Variants in FGF14 observed in about 807,000 individuals in gnomAD.
FGF14 encodes the protein fibroblast growth factor 14.
Under a neutral mutation model 25.5 loss-of-function variants are expected in FGF14, and 5 were observed. That is an observed-to-expected ratio of 0.20 (90% confidence interval 0.10 to 0.41). FGF14 has a LOEUF of 0.41. FGF14 is among the 10% of genes least tolerant of loss of function. The pLI, the probability that FGF14 is intolerant of heterozygous loss-of-function variation, is 1.00. For synonymous variants in FGF14, 138 were observed against 118.3 expected, an observed-to-expected ratio of 1.17 and a Z score of -1.08; for missense variants, 222 against 320.1, an observed-to-expected ratio of 0.69 and a Z score of 2.34.
intron 1 of FGF14, among the ~76,000 whole-genome samples, chr13:102,176,377 T>C (rs908621866): frequency 6.6e-6 from 1 of 152,006 alleles, no homozygotes; most frequent in Non-Finnish European, 1.5e-5. Flanking sequence ...TGGGTACACA[T>C]GAATAGAAAG....
chr13:102,018,194 C>T (rs1595006470), intron 1 of FGF14, among the ~76,000 whole-genome samples: 1 of 152,102 alleles, frequency 6.6e-6, no homozygotes, highest in Admixed American at 6.6e-5. Context: ...GAGGGAGAGG[C>T]CAAACATAAA....
At chr13:101,820,310 A>G (rs115802042) in intron 3 of FGF14, among the ~76,000 whole-genome samples, 1,780 of 152,326 alleles carry the variant, frequency 0.012, 32 homozygotes, top group African/African-American at 0.04. Context: ...TATCACCAAT[A>G]GTGAACAGAT....
chr13:101,943,822 A>ATATATATATATAT (rs1266549387), intron 1 of FGF14, among the ~76,000 whole-genome samples: 14 of 122,456 alleles, frequency 1.1e-4, no homozygotes, highest in African/African-American at 6.9e-4. Context: ...TAAAAAAAAA[A>ATATATATATATAT]AAAAATATAT....
At chr13:101,968,182 A>C (rs1310924505) in intron 1 of FGF14, among the ~76,000 whole-genome samples, 4 of 152,264 alleles carry the variant, frequency 2.6e-5, no homozygotes, top group African/African-American at 9.6e-5. Context: ...ATCTTGTCTA[A>C]GAAATGAAGA....
At chr13:102,131,091 A>G (rs925765882) in intron 1 of FGF14, among the ~76,000 whole-genome samples, 1 of 152,304 alleles carries the variant, frequency 6.6e-6, no homozygotes, top group South Asian at 2.1e-4. Flanking sequence ...AAATTCTCCA[A>G]TTGATGTGTT....
intron 3 of FGF14, among the ~76,000 whole-genome samples, chr13:101,753,005 T>C (rs1057058580): frequency 2.0e-5 from 3 of 152,148 alleles, no homozygotes; most frequent in Non-Finnish European, 4.4e-5. Flanking sequence ...AATGTATTAA[T>C]CACAGTTTAA....
At chr13:101,765,483 A>G (rs528302870) in intron 3 of FGF14, among the ~76,000 whole-genome samples, 41 of 152,264 alleles carry the variant, frequency 2.7e-4, no homozygotes, top group African/African-American at 9.6e-4. Flanking sequence ...AAATTGTGCT[A>G]GAAGACAATG....
At chr13:101,742,491 A>G (rs2036617801) in intron 3 of FGF14, among the ~76,000 whole-genome samples, 1 of 152,212 alleles carries the variant, frequency 6.6e-6, no homozygotes, top group Non-Finnish European at 1.5e-5. Flanking sequence ...GAAACTAAAC[A>G]GACCTGGATT....
chr13:101,873,847 TA>T, intron 2 of FGF14, among the ~76,000 whole-genome samples: 2 of 151,938 alleles, frequency 1.3e-5, no homozygotes, highest in Admixed American at 6.6e-5. Flanking sequence ...TCTCTTTTCC[TA>T]TATCAAAAAG....
intron 3 of FGF14, among the ~76,000 whole-genome samples, chr13:101,736,423 T>A (rs1008090530): frequency 6.6e-6 from 1 of 152,218 alleles, no homozygotes; most frequent in Non-Finnish European, 1.5e-5. Context: ...TCTATAGAAA[T>A]TTAACAGAAT....
chr13:102,200,617 T>C (rs1224687035), intron 1 of FGF14, among the ~76,000 whole-genome samples: 1 of 53,996 alleles, frequency 1.9e-5, no homozygotes, highest in Non-Finnish European at 3.4e-5. Context: ...TCCCATTTGA[T>C]TGTTTTTTTT....
intron 3 of FGF14, among the ~76,000 whole-genome samples, chr13:101,770,129 A>G (rs1242326638): frequency 1.9e-5 from 1 of 52,936 alleles, no homozygotes; most frequent in Non-Finnish European, 6.2e-5. Flanking sequence ...TAAAAACATA[A>G]AAGTCTTTTT....
Position 101,716,708 on chromosome 13 carries a change from CTGGAAACCT to C in FGF14, c.*6114_*6122del, listed in dbSNP as rs2034736868. The C allele has an allele frequency of 6.7e-6, 1 of 150,038 alleles. No homozygotes were observed. The highest frequency in any genetic ancestry group is 6.7e-5 in the Admixed American group (1 of 15,020). 9.3% of individuals were successfully genotyped at this position (150,038 alleles called of 1,614,324 possible). A position where few individuals can be genotyped will look rare whatever the true frequency, so the allele number is the denominator to read the frequency against. On this transcript the variant is annotated 3_prime_UTR_variant, in exon 5 of 5. Transcript: ENST00000376143. ...TTTTTTTCTAAGGATACCTTACTTA[CTGGAAACCT>C]GGGGTCATGCAAAGAAGTCAAGACG...
chr13:102,378,324 T>A (rs1185402711), intron 1 of FGF14, among the ~76,000 whole-genome samples: 1 of 151,988 alleles, frequency 6.6e-6, no homozygotes, highest in African/African-American at 2.4e-5. Flanking sequence ...AATCTCTATG[T>A]CTTCCTTTCA....
intron 1 of FGF14, among the ~76,000 whole-genome samples, chr13:102,320,602 T>C (rs1376555441): frequency 6.6e-6 from 1 of 152,164 alleles, no homozygotes; most frequent in Non-Finnish European, 1.5e-5. Context: ...GGGATCTGGT[T>C]TGCTGGTTCA....
At chr13:102,394,528 A>T (rs1352187629) in intron 1 of FGF14, 2 of 152,404 alleles carry the variant, frequency 1.3e-5, no homozygotes, top group South Asian at 2.1e-4. Context: ...ACAACAGCAC[A>T]AGCTGCCGGG....
At chr13:102,287,360 G>A (rs1016338774) in intron 1 of FGF14, among the ~76,000 whole-genome samples, 1 of 152,158 alleles carries the variant, frequency 6.6e-6, no homozygotes, top group Non-Finnish European at 1.5e-5. Flanking sequence ...CTTAGTTTAT[G>A]ACATTATTTG....
intron 3 of FGF14, among the ~76,000 whole-genome samples, chr13:101,856,819 A>G (rs1257601478): frequency 6.6e-6 from 1 of 152,036 alleles, no homozygotes; most frequent in East Asian, 1.9e-4. Flanking sequence ...CTTCAAAGCT[A>G]TGTCTGAAAT....
At chr13:102,369,907 C>T (rs2057826485) in intron 1 of FGF14, among the ~76,000 whole-genome samples, 1 of 152,134 alleles carries the variant, frequency 6.6e-6, no homozygotes, top group Non-Finnish European at 1.5e-5. Flanking sequence ...TGCTGAGCGA[C>T]AAAGCTAAAA....
Sources: allele counts gnomAD v4.1 joint callset (sites outside exome capture counted in the v4.1 genomes callset), GRCh38; gene constraint gnomAD v4.1.1; transcripts MANE v1.5; gene names NCBI Gene and HGNC (gene_info 2026-07-23, HGNC 2026-07-21).